Variants in LAS1L observed in about 807,000 individuals in gnomAD.
LAS1L encodes the protein ribosomal biogenesis protein LAS1L.
In LAS1L, 5 loss-of-function variants were observed where a neutral mutation model predicts 57.3. The ratio of observed to expected loss-of-function variants is 0.09; its 90% CI spans 0.05 to 0.18. LAS1L has a LOEUF of 0.18. LAS1L is among the 10% of genes least tolerant of loss of function. The pLI, the probability that LAS1L is intolerant of heterozygous loss-of-function variation, is 1.00. For missense variants in LAS1L, 360 were observed against 568.3 expected, an observed-to-expected ratio of 0.63 and a Z score of 3.73; for synonymous variants, 245 against 231.7, an observed-to-expected ratio of 1.06 and a Z score of -0.52.
intron 1 of LAS1L, 72 bp from the exon 2 acceptor site, chrX:65,533,807 TTGTTGCAGG>T: frequency 9.1e-7 from 1 of 1,098,468 alleles, no homozygotes. Context: ...AGAACCTAGG[TTGTTGCAGG>T]CTACACCCAT....
At chrX:65,520,088 T>A (rs1270186243) in intron 11 of LAS1L, among the ~76,000 whole-genome samples, 1 of 111,850 alleles carries the variant, frequency 8.9e-6, no homozygotes, top group Non-Finnish European at 1.9e-5. Flanking sequence ...ACCCACCTGC[T>A]ATCTCGAACC....
chrX:65,532,630 C>T lies in LAS1L; in HGVS notation c.363G>A (p.Arg121=). 1 of 1,192,241 alleles carries T rather than the reference C, an allele frequency of 8.4e-7. No individual in the cohort carries two copies. The highest frequency in any genetic ancestry group is 1.8e-5 in the South Asian group (1 of 56,506). ...LRLLYGMALV[R]FVNLISERKT... is the part of the protein sequence containing the mutation. The stretch of plus-strand genomic sequence containing the variant: ...TCCTCTCTGAGATAAGATTCACAAA[C>T]CTGGAGTTGAGGGAGAAATAAGTGG... The change falls in exon 3 of 14, where the codon AGG becomes AGA. Residue 121 remains arginine, a splice_region_variant and synonymous_variant. Coordinates refer to ENST00000374811, the MANE Select transcript of LAS1L (RefSeq NM_031206.7).
chrX:65,523,638 G>A lies in LAS1L; in HGVS notation c.1370C>T (p.Ser457Phe), dbSNP rs1184626606. 8.3e-7 allele frequency: 1 copy of A among 1,199,044 alleles called. No individual in the cohort carries two copies. Among genetic ancestry groups the A allele is most frequent in the East Asian group, 3.0e-5 (1 of 33,298 alleles). Residue 457 changes from serine (S) to phenylalanine (F), a missense_variant, in exon 11 of 14, where the codon TCC becomes TTC. Coordinates refer to ENST00000374811, the MANE Select transcript of LAS1L (RefSeq NM_031206.7). The stretch of plus-strand genomic sequence containing the variant: ...CATCCGGGGCCAGTCAAGGGAGGCG[G>A]AGCAGTTGAACAGCCTCCAGCCCCT... ...ARRGWRLFNC[S>F]ASLDWPRMVE...
intron 2 of LAS1L, among the ~76,000 whole-genome samples, chrX:65,533,048 A>C (rs2069580101): frequency 8.9e-6 from 1 of 112,071 alleles, no homozygotes; most frequent in Admixed American, 9.5e-5. Context: ...ACTTTGACAG[A>C]TATGAAAACT....
chrX:65,526,544 C>G (rs1470370606), intron 7 of LAS1L, among the ~76,000 whole-genome samples: 2 of 111,540 alleles, frequency 1.8e-5, no homozygotes, highest in African/African-American at 6.5e-5. Context: ...ACTCCAGGGG[C>G]AATCCCAGCC....
At chrX:65,530,685 G>A (rs1197540592) in intron 4 of LAS1L, among the ~76,000 whole-genome samples, 3 of 109,191 alleles carry the variant, frequency 2.7e-5, no homozygotes, top group East Asian at 2.9e-4. Context: ...ATGGAGGCGC[G>A]TGCCTGTAAT....
intron 11 of LAS1L, chrX:65,518,970 T>C: frequency 1.3e-6 from 1 of 752,533 alleles, no homozygotes; most frequent in Non-Finnish European, 1.6e-6. Context: ...TGTGATCCCT[T>C]TATGGGAGCA....
chrX:65,524,762 C>T, intron 8 of LAS1L, 148 bp from the exon 9 acceptor site: 1 of 443,818 alleles, frequency 2.3e-6, no homozygotes, highest in Non-Finnish European at 4.0e-6. Context: ...CACCCCACCC[C>T]ATTCCAGAGC....
chrX:65,529,173 G>A lies in LAS1L; in HGVS notation c.846+39C>T, dbSNP rs780297234. Reference sequence around the variant, plus strand: ...CTGGCAAGAGGGAAGAAATGGCTGGGGCAGATGAGAGCACACCAAGTCCAG... The same window carrying A: ...CTGGCAAGAGGGAAGAAATGGCTGGAGCAGATGAGAGCACACCAAGTCCAG... On this transcript the variant is annotated intron_variant, in intron 6 of 13. Coordinates refer to ENST00000374811, the MANE Select transcript of LAS1L (RefSeq NM_031206.7). 3 of 1,107,126 alleles carry A rather than the reference G, an allele frequency of 2.7e-6. No individual in the cohort carries two copies. The East Asian group carries it at 9.0e-5, about 33-fold the overall frequency. 91.2% of individuals were successfully genotyped at this position (1,107,126 alleles called of 1,213,427 possible).
intron 1 of LAS1L, among the ~76,000 whole-genome samples, chrX:65,534,163 T>C (rs1235048929): frequency 8.9e-6 from 1 of 112,029 alleles, no homozygotes; most frequent in Admixed American, 9.4e-5. Context: ...GGTACTAATC[T>C]ACTCCTTAAG....
chrX:65,513,828 C>T (rs1177926153), intron 13 of LAS1L, among the ~76,000 whole-genome samples: 4 of 112,405 alleles, frequency 3.6e-5, no homozygotes, highest in Non-Finnish European at 7.5e-5. Flanking sequence ...TACCCAGGGC[C>T]AGGCTGGTTG....
chrX:65,512,713 G>A lies in LAS1L; in HGVS notation c.*62C>T. 8.9e-7 allele frequency: 1 copy of A among 1,125,068 alleles called. No homozygotes were observed. Among genetic ancestry groups the A allele is most frequent in the East Asian group, 3.3e-5 (1 of 30,319 alleles). The allele number at this position is 1,125,068 out of a possible 1,213,427, so 92.7% of individuals were successfully genotyped here. ...CAGGTTGTCTCAGGGAGCATCAGTT[G>A]TACTAGGGGGTGGGCTGTTGCCCTG... On this transcript the variant is annotated 3_prime_UTR_variant, in exon 14 of 14. Transcript: ENST00000374811.
chrX:65,521,379 C>T (rs574362632), intron 11 of LAS1L: 8 of 528,041 alleles, frequency 1.5e-5, no homozygotes, highest in African/African-American at 1.3e-4. Flanking sequence ...TGCTAGGGCA[C>T]GGACAGCTGA....
At chrX:65,514,314 C>T (rs942490139) in intron 13 of LAS1L, among the ~76,000 whole-genome samples, 3 of 110,978 alleles carry the variant, frequency 2.7e-5, no homozygotes, top group Non-Finnish European at 5.7e-5. Context: ...CCCGTGCAGG[C>T]CTTGCTACCA....
At chrX:65,521,940 G>A (rs1435504267) in intron 11 of LAS1L, 1 of 111,775 alleles carries the variant, frequency 8.9e-6, no homozygotes, top group African/African-American at 3.3e-5. Flanking sequence ...TTGATGGGAA[G>A]GGTGGGAATG....
chrX:65,528,119 G>A (rs2069266254), intron 7 of LAS1L, 141 bp downstream of exon 7: 1 of 435,065 alleles, frequency 2.3e-6, no homozygotes. Context: ...CCAAATGTAG[G>A]GTCACTGTGG....
intron 4 of LAS1L, among the ~76,000 whole-genome samples, chrX:65,530,151 G>A (rs2069395045): frequency 8.8e-6 from 1 of 113,040 alleles, no homozygotes; most frequent in South Asian, 3.6e-4. Flanking sequence ...AGTGGCAGAA[G>A]TAGGAATCAG....
At chrX:65,521,371 C>A in intron 11 of LAS1L, 1 of 588,122 alleles carries the variant, frequency 1.7e-6, no homozygotes, top group Non-Finnish European at 2.1e-6. Flanking sequence ...GTGTGGTGTG[C>A]TAGGGCACGG....
In LAS1L at chrX:65,533,723, T is replaced by C. The variant is rs1569444642; in HGVS notation, c.249A>G (p.Glu83=). 8.3e-7 allele frequency: 1 copy of C among 1,210,723 alleles called. No individual in the cohort carries two copies. The highest frequency in any genetic ancestry group is 3.0e-5 in the East Asian group (1 of 33,817). The part of the protein sequence containing the change: ...ITVWRSRSGN[E]LPLAVASTAD... ...CAGTAGAAGCCACTGCCAGAGGGAGTTCGTTGCCTGACCTAAAGGGTCACA... is the reference window on the plus strand; with the variant it reads ...CAGTAGAAGCCACTGCCAGAGGGAGCTCGTTGCCTGACCTAAAGGGTCACA... The change falls in exon 2 of 14, where the codon GAA becomes GAG. Residue 83 remains glutamate (E), a synonymous_variant. Transcript: ENST00000374811.
Sources: allele counts gnomAD v4.1 joint callset (sites outside exome capture counted in the v4.1 genomes callset), GRCh38; gene constraint gnomAD v4.1.1; transcripts MANE v1.5; gene names NCBI Gene and HGNC (gene_info 2026-07-23, HGNC 2026-07-21).